Variants in COPE observed in about 807,000 individuals in gnomAD.
The protein encoded by COPE is coatomer subunit epsilon.
In COPE, 19 loss-of-function variants were observed where a neutral mutation model predicts 42.1. That is an observed-to-expected ratio of 0.45 (90% CI 0.31 to 0.66). The LOEUF is 0.66. Among genes scored for constraint, COPE ranks in the 30% least tolerant of loss-of-function variants. The pLI, the probability that COPE is intolerant of heterozygous loss-of-function variation, is 0.05. For missense variants in COPE, 402 were observed against 416.1 expected (o/e 0.97, Z 0.30); for synonymous variants, 195 against 181.3 (o/e 1.08, Z -0.60).
chr19:18,919,073 G>A, intron 1 of COPE, 150 bp downstream of exon 1: 5 of 727,554 alleles, frequency 6.9e-6, no homozygotes, highest in Non-Finnish European at 1.1e-5. Context: ...TCACGGGACA[G>A]TGACTACTCC....
At chr19:18,906,121 G>T in intron 4 of COPE, 1 of 398,096 alleles carries the variant, frequency 2.5e-6, no homozygotes, top group Non-Finnish European at 4.4e-6. Flanking sequence ...TTGTTTTCCT[G>T]CCAACAGGAG....
At chr19:18,909,637 G>C (rs2056792702) in intron 3 of COPE, among the ~76,000 whole-genome samples, 1 of 151,368 alleles carries the variant, frequency 6.6e-6, no homozygotes, top group African/African-American at 2.4e-5. Context: ...TCCTGCCTCA[G>C]CCTCCCAAGT....
intron 9 of COPE, 39 bp downstream of exon 9, chr19:18,899,833 CT>C: frequency 6.2e-7 from 1 of 1,611,546 alleles, no homozygotes; most frequent in Non-Finnish European, 8.5e-7. Context: ...CAGGCGCCCC[CT>C]GGCCTGGTTC....
chr19:18,913,061 G>T lies in COPE; in HGVS notation c.127-15C>A. ...GGGCTTGATAGCTGTGGGAACCAATGTGAGTCAGGACGCACAGTGGGAGGC... is the reference window on the plus strand; with the variant it reads ...GGGCTTGATAGCTGTGGGAACCAATTTGAGTCAGGACGCACAGTGGGAGGC... On this transcript the variant is annotated splice_polypyrimidine_tract_variant and intron_variant, in intron 1 of 9. Coordinates refer to ENST00000262812, the MANE Select transcript of COPE (RefSeq NM_007263.4). 1 of 1,608,444 alleles carries T rather than the reference G, an allele frequency of 6.2e-7. No individual in the cohort carries two copies.
intron 1 of COPE, among the ~76,000 whole-genome samples, chr19:18,918,542 A>G (rs557008405): frequency 8.3e-4 from 126 of 152,050 alleles, no homozygotes; most frequent in African/African-American, 3.0e-3. Flanking sequence ...GGTTGAAGCG[A>G]TTCTCCTGTC....
rs138499599 is a variant in COPE at position 18,906,521 on chromosome 19, G to A, written c.443+439C>T. 5.2e-3 allele frequency: 875 copies of A among 167,228 alleles called. 7 individuals carry two copies. The highest frequency in any genetic ancestry group is 9.1e-3 in the Admixed American group (143 of 15,772). 10.4% of individuals were successfully genotyped at this position (167,228 alleles called of 1,614,324 possible). On this transcript the variant is annotated intron_variant, in intron 4 of 9. Coordinates refer to ENST00000262812, the MANE Select transcript of COPE (RefSeq NM_007263.4). ...GTGACCAGTGCCCTGGACATGGCCC[G>A]GAGTCACATCCTAGGGTGGAGGGGG...
At chr19:18,918,193 AAAAAAAAAAAG>A (rs1038390215) in intron 1 of COPE, among the ~76,000 whole-genome samples, 48 of 149,052 alleles carry the variant, frequency 3.2e-4, no homozygotes, top group African/African-American at 1.0e-3. Flanking sequence ...ATCTCAAAAA[AAAAAAAAAAAG>A]AAAAGAAAAG....
At chr19:18,914,377 T>G (rs2056836365) in intron 1 of COPE, among the ~76,000 whole-genome samples, 1 of 151,656 alleles carries the variant, frequency 6.6e-6, no homozygotes, top group Non-Finnish European at 1.5e-5. Flanking sequence ...CCGCCTCTAC[T>G]TAAAAATACA....
chr19:18,902,179 CA>C (rs34747007), intron 7 of COPE, among the ~76,000 whole-genome samples: 34,526 of 107,536 alleles, frequency 0.32, 5,387 homozygotes, highest in Middle Eastern at 0.48. Context: ...GACTCCATCT[CA>C]AAAAAAAAAA....
At chr19:18,905,779 A>C in intron 4 of COPE, 150 bp from the exon 5 acceptor site, 1 of 701,914 alleles carries the variant, frequency 1.4e-6, no homozygotes, top group South Asian at 1.9e-5. Context: ...GGACACCCTC[A>C]CTCCCACATT....
In COPE at chr19:18,902,324, C is replaced by T. The variant is rs1019594115; in HGVS notation, c.735+944G>A. Among the ~76,000 whole-genome samples the T allele has an allele frequency of 4.6e-5, 7 of 151,060 alleles. No homozygotes were observed. The East Asian group carries it at 1.4e-3, about 29-fold the overall frequency. On this transcript the variant is annotated intron_variant, in intron 7 of 9. Coordinates refer to ENST00000262812, the MANE Select transcript of COPE (RefSeq NM_007263.4). ...CACAGCAAGAACAACCCCGTCTTTA[C>T]AAAATATATATATATTTTTAATTTA...
rs934994233 is a variant in COPE at position 18,899,607 on chromosome 19, G to A, written c.*72C>T. On this transcript the variant is annotated 3_prime_UTR_variant, in exon 10 of 10. Coordinates refer to ENST00000262812, the MANE Select transcript of COPE (RefSeq NM_007263.4). ...CCAGAGGGGATGCAGGTGGATGCCG[G>A]GTGGGGAGGGCTGCAGGGCTGGCTC... The A allele has an allele frequency of 5.0e-5, 78 of 1,552,928 alleles. No individual in the cohort carries two copies. The highest frequency in any genetic ancestry group is 4.5e-5 in the Non-Finnish European group (51 of 1,127,098).
chr19:18,905,705 C>T (rs1037943354), intron 4 of COPE, 76 bp from the exon 5 acceptor site: 1 of 1,440,106 alleles, frequency 6.9e-7, no homozygotes, highest in Non-Finnish European at 9.5e-7. Flanking sequence ...CCAGGGCTCA[C>T]TGTGTGTGTC....
At chr19:18,914,990 T>C (rs2056842079) in intron 1 of COPE, among the ~76,000 whole-genome samples, 1 of 152,002 alleles carries the variant, frequency 6.6e-6, no homozygotes, top group Non-Finnish European at 1.5e-5. Context: ...CCTCCCAAAG[T>C]GCTGGGATTA....
At position 18,917,244 on chromosome 19, in the gene COPE, T is replaced by TTTC. The variant is rs1395295587; in HGVS notation, c.126+1978_126+1979insGAA. 6.7e-3 allele frequency among the ~76,000 whole-genome samples: 987 copies of TTTC among 147,242 alleles called. 8 individuals are homozygous for TTTC. The highest frequency in any genetic ancestry group is 0.01 in the Non-Finnish European group (670 of 66,428). On this transcript the variant is annotated intron_variant, in intron 1 of 9. Transcript: ENST00000262812. The stretch of plus-strand genomic sequence containing the variant: ...CTACTAGAAACATTCTTTTTTTCTT[T>TTTC]TTTTTTTTTTTTTTTTGAGATAGGG...
intron 1 of COPE, among the ~76,000 whole-genome samples, chr19:18,913,663 C>T (rs1423211337): frequency 6.6e-6 from 1 of 152,220 alleles, no homozygotes; most frequent in African/African-American, 2.4e-5. Flanking sequence ...TGGCTGACTT[C>T]CCAGGGTGCC....
intron 8 of COPE, 85 bp downstream of exon 8, chr19:18,900,296 G>A (rs975023876): frequency 6.2e-6 from 7 of 1,133,454 alleles, no homozygotes; most frequent in Middle Eastern, 2.0e-4. Context: ...TTTTCCCAGG[G>A]GCCTAGGGAT....
chr19:18,900,068 C>A, intron 8 of COPE, 121 bp from the exon 9 acceptor site: 1 of 790,408 alleles, frequency 1.3e-6, no homozygotes, highest in Non-Finnish European at 2.0e-6. Flanking sequence ...CTCACCCTGC[C>A]TTGGGACTGG....
chr19:18,910,695 T>C, intron 3 of COPE: 1 of 499,336 alleles, frequency 2.0e-6, no homozygotes, highest in Non-Finnish European at 3.7e-6. Flanking sequence ...TATTTTCAGT[T>C]CTAGGTTCAG....
Sources: gnomAD v4.1 joint callset for allele counts (sites outside exome capture counted in the v4.1 genomes callset) on GRCh38, gnomAD v4.1.1 for gene constraint, MANE v1.5 for transcripts, NCBI Gene and HGNC (gene_info 2026-07-23, HGNC 2026-07-21) for gene names.